GOLPH3L: variants seen among roughly 807,000 people sequenced by gnomAD.
The protein encoded by GOLPH3L is Golgi phosphoprotein 3-like.
A neutral mutation model predicts 30.3 loss-of-function variants in GOLPH3L; 22 were observed. The observed-to-expected ratio is 0.73, with a 90% CI of 0.52 to 1.04. The LOEUF (loss-of-function observed/expected upper bound fraction) is 1.04, where lower values mean the gene tolerates loss of function less well. Ranked by LOEUF, GOLPH3L falls within the 50% of genes least tolerant of loss-of-function variation. GOLPH3L has a pLI of 0.00. For missense variants in GOLPH3L, 303 were observed against 345.8 expected (o/e 0.88, Z 0.98); for synonymous variants, 120 against 128.2 (o/e 0.94, Z 0.43).
intron 4 of GOLPH3L, among the ~76,000 whole-genome samples, chr1:150,650,600 A>T (rs912183878): frequency 2.0e-5 from 3 of 152,266 alleles, no homozygotes; most frequent in Admixed American, 6.5e-5. Flanking sequence ...TGTGAACCCT[A>T]TTGTGAACTG....
chr1:150,653,483 A>T (rs201326018), intron 4 of GOLPH3L, among the ~76,000 whole-genome samples: 1 of 126,536 alleles, frequency 7.9e-6, no homozygotes, highest in Non-Finnish European at 1.6e-5. Flanking sequence ...TTTTTTGGAG[A>T]CAGGGTCTTG....
intron 2 of GOLPH3L, among the ~76,000 whole-genome samples, chr1:150,685,477 G>A (rs1379212684): frequency 3.3e-5 from 5 of 152,176 alleles, no homozygotes; most frequent in African/African-American, 4.8e-5. Context: ...CACTTTGGGA[G>A]GCTGAAGCAG....
intron 2 of GOLPH3L, among the ~76,000 whole-genome samples, chr1:150,678,748 A>T (rs1284223907): frequency 6.6e-6 from 1 of 152,170 alleles, no homozygotes. Flanking sequence ...TAAGGTCAAG[A>T]GATCAAGACC....
chr1:150,677,718 C>G (rs72702521), intron 2 of GOLPH3L, among the ~76,000 whole-genome samples: 1 of 150,900 alleles, frequency 6.6e-6, no homozygotes, highest in Non-Finnish European at 1.5e-5. Context: ...CTCTACTTCT[C>G]GAGCTCAAGC....
At chr1:150,690,448 T>C (rs995049311) in intron 2 of GOLPH3L, among the ~76,000 whole-genome samples, 4 of 152,156 alleles carry the variant, frequency 2.6e-5, no homozygotes, top group Non-Finnish European at 5.9e-5. Context: ...CAAGCAATTA[T>C]ATACACATTA....
At chr1:150,670,317 G>A (rs751742577) in intron 2 of GOLPH3L, among the ~76,000 whole-genome samples, 1 of 151,736 alleles carries the variant, frequency 6.6e-6, no homozygotes, top group Admixed American at 6.6e-5. Flanking sequence ...TATACTTTAG[G>A]CTGGGTGTGG....
At chr1:150,663,842 G>A (rs767160499) in intron 2 of GOLPH3L, 79 bp from the exon 3 acceptor site, 8 of 1,212,762 alleles carry the variant, frequency 6.6e-6, no homozygotes, top group Admixed American at 3.7e-5. Flanking sequence ...AGAACAGGCC[G>A]CTTTGTTGTG....
intron 2 of GOLPH3L, among the ~76,000 whole-genome samples, chr1:150,667,518 A>C (rs1650533752): frequency 6.6e-6 from 1 of 152,138 alleles, no homozygotes; most frequent in Non-Finnish European, 1.5e-5. Flanking sequence ...TTGGGAACAC[A>C]GCGAGACCTT....
chr1:150,667,052 G>A (rs1206734423), intron 2 of GOLPH3L, among the ~76,000 whole-genome samples: 1 of 152,172 alleles, frequency 6.6e-6, no homozygotes, highest in Non-Finnish European at 1.5e-5. Context: ...GATTGTGGGA[G>A]TGCCACACAA....
At chr1:150,685,665 A>G (rs1253794068) in intron 2 of GOLPH3L, among the ~76,000 whole-genome samples, 1 of 152,062 alleles carries the variant, frequency 6.6e-6, no homozygotes, top group Non-Finnish European at 1.5e-5. Flanking sequence ...CAGTGGGTTG[A>G]GATCGCACCG....
At chr1:150,694,320 A>AAT (rs1394886976) in intron 2 of GOLPH3L, 3 of 284,454 alleles carry the variant, frequency 1.1e-5, no homozygotes, top group Admixed American at 5.0e-5. Context: ...AGAAGACTTC[A>AAT]GTGTGTGGGC....
At chr1:150,686,520 A>C (rs997050417) in intron 2 of GOLPH3L, among the ~76,000 whole-genome samples, 1 of 152,212 alleles carries the variant, frequency 6.6e-6, no homozygotes, top group Non-Finnish European at 1.5e-5. Context: ...AGTCAGTTTG[A>C]ATGTAAATTC....
At chr1:150,678,512 T>C (rs1650873196) in intron 2 of GOLPH3L, among the ~76,000 whole-genome samples, 3 of 152,042 alleles carry the variant, frequency 2.0e-5, no homozygotes, top group South Asian at 4.1e-4. Flanking sequence ...TGTAGACTCA[T>C]AATATGTATA....
At chr1:150,674,046 T>C (rs1650709502) in intron 2 of GOLPH3L, among the ~76,000 whole-genome samples, 1 of 152,120 alleles carries the variant, frequency 6.6e-6, no homozygotes, top group African/African-American at 2.4e-5. Flanking sequence ...TCCACTTATA[T>C]TTAGCTTGAA....
chr1:150,686,438 G>A (rs1329947081), intron 2 of GOLPH3L, among the ~76,000 whole-genome samples: 1 of 152,010 alleles, frequency 6.6e-6, no homozygotes, highest in African/African-American at 2.4e-5. Flanking sequence ...CTCCTGGCCT[G>A]AAGTAATCCT....
intron 2 of GOLPH3L, among the ~76,000 whole-genome samples, chr1:150,671,232 A>G (rs2101799292): frequency 6.6e-6 from 1 of 150,432 alleles, no homozygotes; most frequent in East Asian, 2.0e-4. Flanking sequence ...GCAGAGTAAG[A>G]CTCCATCTCA....
chr1:150,695,783 CCA>C (rs1244792628), intron 1 of GOLPH3L, among the ~76,000 whole-genome samples: 4 of 152,004 alleles, frequency 2.6e-5, no homozygotes, highest in African/African-American at 4.8e-5. Context: ...TGTAGTAATT[CCA>C]CAGTCAGTAA....
intron 2 of GOLPH3L, among the ~76,000 whole-genome samples, chr1:150,683,297 A>G (rs1033801847): frequency 6.6e-6 from 1 of 151,522 alleles, no homozygotes; most frequent in African/African-American, 2.4e-5. Context: ...AGCACTTTGG[A>G]AGGCCGAGGC....
At chr1:150,657,750 C>G (rs1014890993) in intron 4 of GOLPH3L, among the ~76,000 whole-genome samples, 2 of 152,206 alleles carry the variant, frequency 1.3e-5, no homozygotes, top group Non-Finnish European at 2.9e-5. Context: ...ATATAATTCT[C>G]AAGGACAAGC....
Sources: allele counts gnomAD v4.1 joint callset (sites outside exome capture counted in the v4.1 genomes callset), GRCh38; gene constraint gnomAD v4.1.1; transcripts MANE v1.5; gene names NCBI Gene and HGNC (gene_info 2026-07-23, HGNC 2026-07-21).